Variants in CAMTA1 observed in about 807,000 individuals in gnomAD.
CAMTA1 encodes calmodulin-binding transcription activator 1.
In CAMTA1, 27 loss-of-function variants were observed where a neutral mutation model predicts 170.9. The ratio of observed to expected loss-of-function variants is 0.16; its 90% CI spans 0.12 to 0.22. CAMTA1 has a LOEUF of 0.22. CAMTA1 is among the 10% of genes least tolerant of loss of function. The pLI is 1.00. For synonymous variants in CAMTA1, 833 were observed against 891.5 expected, an observed-to-expected ratio of 0.93 and a Z score of 1.17; for missense variants, 1,619 against 2,217.2, an observed-to-expected ratio of 0.73 and a Z score of 5.42.
At chr1:7,392,430 T>C (rs532540220) in intron 5 of CAMTA1, among the ~76,000 whole-genome samples, 2 of 151,932 alleles carry the variant, frequency 1.3e-5, no homozygotes, top group East Asian at 4.0e-4. Flanking sequence ...TGATTTTGTA[T>C]TTTTAGTAGA....
At position 7,020,213 on chromosome 1, in the gene CAMTA1, G is replaced by A. The variant is rs1379722468; in HGVS notation, c.235-71091G>A. Among the ~76,000 whole-genome samples, 6 of 152,220 alleles carry A rather than the reference G, an allele frequency of 3.9e-5. No homozygotes were observed. The East Asian group carries it at 9.6e-4, about 24-fold the overall frequency. ...TATATACAGTTATATGGCATATTAC[G>A]ATGTTTTGGTCAACAACTGATTGCA... On this transcript the variant is annotated intron_variant, in intron 3 of 22. Transcript: ENST00000303635.
intron 6 of CAMTA1, among the ~76,000 whole-genome samples, chr1:7,613,218 G>T (rs575524732): frequency 6.6e-6 from 1 of 152,236 alleles, no homozygotes; most frequent in African/African-American, 2.4e-5. Flanking sequence ...TTGGCAAGTC[G>T]CCTTGGAACT....
intron 4 of CAMTA1, among the ~76,000 whole-genome samples, chr1:7,220,457 AT>A (rs1375470902): frequency 6.6e-6 from 1 of 151,784 alleles, no homozygotes; most frequent in Non-Finnish European, 1.5e-5. Flanking sequence ...GGCCTGGCCT[AT>A]TTTTTCTCTG....
chr1:7,133,163 T>TTA (rs1645359842), intron 4 of CAMTA1, among the ~76,000 whole-genome samples: 1 of 152,172 alleles, frequency 6.6e-6, no homozygotes, highest in Admixed American at 6.5e-5. Flanking sequence ...GTTGAATTGG[T>TTA]TATATATAAT....
At position 7,597,822 on chromosome 1, in the gene CAMTA1, T is replaced by A. The variant is rs186812856; in HGVS notation, c.511-42578T>A. On this transcript the variant is annotated intron_variant, in intron 6 of 22. Coordinates refer to ENST00000303635, the MANE Select transcript of CAMTA1 (RefSeq NM_015215.4). ...AGTCTAGTGATTTAAATATATTTTTTAAATTTTTTTAAATTTTACTTTAAG... is the reference window on the plus strand; with the variant it reads ...AGTCTAGTGATTTAAATATATTTTTAAAATTTTTTTAAATTTTACTTTAAG... Among the ~76,000 whole-genome samples, 674 of 152,316 alleles carry A rather than the reference T, an allele frequency of 4.4e-3. 7 individuals are homozygous for A. The highest frequency in any genetic ancestry group is 0.015 in the African/African-American group (637 of 41,576).
chr1:6,812,581 A>G (rs1004406306), intron 1 of CAMTA1, among the ~76,000 whole-genome samples: 1 of 152,152 alleles, frequency 6.6e-6, no homozygotes, highest in Admixed American at 6.5e-5. Flanking sequence ...TTCTAGTTGA[A>G]TCTATTTGTA....
chr1:7,667,256 A>C (rs2096009563), intron 9 of CAMTA1, among the ~76,000 whole-genome samples: 3 of 149,514 alleles, frequency 2.0e-5, no homozygotes, highest in East Asian at 2.0e-4. Flanking sequence ...CACACCCCCC[A>C]CCCCACCCCA....
chr1:7,260,506 G>A (rs1227774355), intron 5 of CAMTA1, among the ~76,000 whole-genome samples: 1 of 152,214 alleles, frequency 6.6e-6, no homozygotes, highest in African/African-American at 2.4e-5. Flanking sequence ...AAAGCTCAGG[G>A]CACTGCTTCA....
intron 3 of CAMTA1, among the ~76,000 whole-genome samples, chr1:6,861,202 C>T (rs528083005): frequency 2.0e-5 from 3 of 152,112 alleles, no homozygotes; most frequent in Non-Finnish European, 2.9e-5. Context: ...GCGATCCGCC[C>T]GCCTTGGCCT....
intron 4 of CAMTA1, among the ~76,000 whole-genome samples, chr1:7,143,856 A>G (rs767652619): frequency 2.6e-5 from 4 of 152,220 alleles, no homozygotes; most frequent in Non-Finnish European, 4.4e-5. Flanking sequence ...TATACACTAA[A>G]GTATTTGTAG....
intron 5 of CAMTA1, among the ~76,000 whole-genome samples, chr1:7,289,190 C>G (rs1672765268): frequency 6.6e-6 from 1 of 152,170 alleles, no homozygotes; most frequent in Admixed American, 6.5e-5. Flanking sequence ...TCACCTCCCA[C>G]CAGACCCCAC....
intron 3 of CAMTA1, among the ~76,000 whole-genome samples, chr1:6,912,761 T>C (rs1256251243): frequency 3.9e-5 from 6 of 152,220 alleles, no homozygotes; most frequent in Non-Finnish European, 7.3e-5. Context: ...GCTGTCATAC[T>C]GCCCCACACT....
chr1:7,242,835 G>A (rs890604897), intron 4 of CAMTA1, among the ~76,000 whole-genome samples: 21 of 151,668 alleles, frequency 1.4e-4, no homozygotes, highest in African/African-American at 2.9e-4. Flanking sequence ...GGTGGCGGGC[G>A]CCTATAGTCC....
chr1:7,738,084 C>T lies in CAMTA1; in HGVS notation c.3784C>T (p.Pro1262Ser). Residue 1262 changes from proline (P) to serine (S), a missense_variant, in exon 16 of 23, where the codon CCC becomes TCC. Coordinates refer to ENST00000303635, the MANE Select transcript of CAMTA1 (RefSeq NM_015215.4). This position sits in a 1 kb window ranked among gnomAD's most constrained non-coding sequence, Gnocchi z 4.9. ...YFQTRQEKLL[P>S]TALSLEEPNI... ...CCAGACAAGGCAGGAGAAGCTGCTT[C>T]CCACTGCACTGAGTCTGGAAGAGCC... 6.2e-7 allele frequency: 1 copy of T among 1,614,188 alleles called. No individual in the cohort carries two copies. The highest frequency in any genetic ancestry group is 8.5e-7 in the Non-Finnish European group (1 of 1,180,048).
chr1:7,310,394 T>G (rs1676274765), intron 5 of CAMTA1, among the ~76,000 whole-genome samples: 1 of 152,210 alleles, frequency 6.6e-6, no homozygotes. Flanking sequence ...ATATCACAAC[T>G]ACCTAACTGT....
chr1:6,817,842 A>G (rs942831783), intron 1 of CAMTA1, among the ~76,000 whole-genome samples: 1 of 152,156 alleles, frequency 6.6e-6, no homozygotes, highest in Non-Finnish European at 1.5e-5. Context: ...ACAGTCCTAG[A>G]ACAAGAGTTT....
chr1:6,981,049 G>A (rs1694353846), intron 3 of CAMTA1, among the ~76,000 whole-genome samples: 1 of 152,114 alleles, frequency 6.6e-6, no homozygotes, highest in Non-Finnish European at 1.5e-5. Context: ...GAGGGTACGT[G>A]CTGGCACAGT....
Position 7,310,740 on chromosome 1 carries a change from TTC to T in CAMTA1, c.438+61116_438+61117del, listed in dbSNP as rs199589361. The stretch of plus-strand genomic sequence containing the variant: ...TTTCTTTCTTTCTTTCTTTCTTTCT[TTC>T]TTTTTTTTAAGACAGTCTTGCTCTG... On this transcript the variant is annotated intron_variant, in intron 5 of 22. Transcript: ENST00000303635. Among the ~76,000 whole-genome samples the T allele has an allele frequency of 2.9e-4, 30 of 102,596 alleles. 5 individuals carry two copies. The highest frequency in any genetic ancestry group is 5.4e-4 in the East Asian group (2 of 3,714). 67.3% of individuals were successfully genotyped at this position (102,596 alleles called of 152,430 possible).
intron 11 of CAMTA1, among the ~76,000 whole-genome samples, chr1:7,714,026 A>G (rs566196451): frequency 9.2e-5 from 14 of 152,284 alleles, no homozygotes; most frequent in Admixed American, 8.5e-4. Flanking sequence ...GGTTGAACAG[A>G]TTTAAAAATT....
Sources: allele counts gnomAD v4.1 joint callset (sites outside exome capture counted in the v4.1 genomes callset), GRCh38; gene constraint gnomAD v4.1.1; non-coding constraint Gnocchi (gnomAD v3.1); transcripts MANE v1.5; gene names NCBI Gene and HGNC (gene_info 2026-07-23, HGNC 2026-07-21).